The following GRIN2C variants were observed in gnomAD, a reference collection of about 807,000 sequenced individuals.
GRIN2C encodes the protein glutamate ionotropic receptor NMDA type subunit 2C.
A neutral mutation model predicts 77.7 loss-of-function variants in GRIN2C; 64 were observed. The observed-to-expected ratio is 0.82, with a 90% CI of 0.67 to 1.01. The LOEUF (loss-of-function observed/expected upper bound fraction) is 1.01. Ranked by LOEUF, GRIN2C falls within the 50% of genes least tolerant of loss-of-function variation. The pLI, the probability that GRIN2C is intolerant of heterozygous loss-of-function variation, is 0.00. For synonymous variants in GRIN2C, 792 were observed against 643.4 expected, an observed-to-expected ratio of 1.23 and a Z score of -3.49; for missense variants, 1,549 against 1,486.0, an observed-to-expected ratio of 1.04 and a Z score of -0.70.
In GRIN2C at chr17:74,846,975, C is replaced by A; in HGVS notation, c.2002-55G>T. On this transcript the variant is annotated intron_variant, in intron 9 of 12. Transcript: ENST00000293190. The surrounding 1 kb of genome is among the most constrained non-coding windows in gnomAD (Gnocchi z 4.4). ...ACCCTTCCTCCAGCCTTCCAGGCACCAAAGCCCCAAACCCACCCCAGAGCC... is the reference window on the plus strand; with the variant it reads ...ACCCTTCCTCCAGCCTTCCAGGCACAAAAGCCCCAAACCCACCCCAGAGCC... 1 of 1,561,110 alleles carries A rather than the reference C, an allele frequency of 6.4e-7. No homozygotes were observed. Among genetic ancestry groups the A allele is most frequent in the Non-Finnish European group, 8.7e-7 (1 of 1,151,494 alleles).
At chr17:74,855,968 A>G (rs2037808879) in intron 1 of GRIN2C, among the ~76,000 whole-genome samples, 1 of 152,204 alleles carries the variant, frequency 6.6e-6, no homozygotes, top group African/African-American at 2.4e-5. Flanking sequence ...GGAAAACCCA[A>G]GCTGGTGAGC....
chr17:74,843,811 G>A (rs931150257), intron 12 of GRIN2C, among the ~76,000 whole-genome samples: 1 of 152,040 alleles, frequency 6.6e-6, no homozygotes, highest in East Asian at 1.9e-4. Flanking sequence ...CACCTGTGGG[G>A]GGGACTCTGA....
rs1168112930 is a variant in GRIN2C at position 74,846,775 on chromosome 17, G to A, written c.2147C>T (p.Thr716Ile). The A allele has an allele frequency of 6.2e-7, 1 of 1,613,882 alleles. No homozygotes were observed. The highest frequency in any genetic ancestry group is 8.5e-7 in the Non-Finnish European group (1 of 1,179,888). Residue 716 changes from threonine to isoleucine, a missense_variant, in exon 10 of 13, where the codon ACC (threonine) becomes ATC (isoleucine). Physicochemically the swap from Thr to Ile is moderately conservative, Grantham distance 89 (BLOSUM62 -1). This residue lies in a region of GRIN2C where 717 missense variants were observed against 858.1 expected (regional missense o/e 0.84). Coordinates refer to ENST00000293190, the MANE Select transcript of GRIN2C (RefSeq NM_000835.6). The surrounding 1 kb of genome is among the most constrained non-coding windows in gnomAD (Gnocchi z 4.4). The part of the protein sequence containing the change: ...FNQRSVEDAL[T>I]SLKMGKLDAF... ...GGGGACCCACCCCATCTTGAGGCTG[G>A]TGAGCGCGTCCTCCACCGAGCGCTG...
chr17:74,855,705 G>A (rs773065973), intron 1 of GRIN2C, among the ~76,000 whole-genome samples: 5 of 132,758 alleles, frequency 3.8e-5, no homozygotes, highest in Admixed American at 3.4e-4. Flanking sequence ...CACCCCCACC[G>A]GCCAGTCCTC....
In GRIN2C at chr17:74,851,938, C is replaced by T. The variant is rs934424235; in HGVS notation, c.998+75G>A. The T allele has an allele frequency of 6.7e-6, 8 of 1,194,746 alleles. No homozygotes were observed. The African/African-American group carries it at 7.7e-5, about 12-fold the overall frequency. 74.0% of individuals were successfully genotyped at this position (1,194,746 alleles called of 1,614,324 possible). On this transcript the variant is annotated intron_variant, in intron 3 of 12. Transcript: ENST00000293190. ...GCTAGTGGGAGGTGTGGCTGGCCAG[C>T]CCAAACTCACTGCCAGCCAGCTCCC...
intron 12 of GRIN2C, among the ~76,000 whole-genome samples, chr17:74,843,874 C>CT (rs60038024): frequency 0.25 from 35,583 of 139,656 alleles, 4,617 homozygotes; most frequent in East Asian, 0.38. Context: ...AGGACGTTGG[C>CT]TTTTTTTTTT....
intron 7 of GRIN2C, 70 bp from the exon 8 acceptor site, chr17:74,848,047 G>T: frequency 6.4e-7 from 1 of 1,560,064 alleles, no homozygotes. Flanking sequence ...GCACTGGGTG[G>T]AGACAGGTAG....
At position 74,842,962 on chromosome 17, in the gene GRIN2C, G is replaced by A. The variant is rs1406069097; in HGVS notation, c.3175C>T (p.Gln1059Ter). 1.9e-6 allele frequency: 1 copy of A among 536,736 alleles called. No homozygotes were observed. The highest frequency in any genetic ancestry group is 2.4e-5 in the South Asian group (1 of 42,322). 33.2% of individuals were successfully genotyped at this position (536,736 alleles called of 1,614,324 possible). The change falls in exon 13 of 13, where the codon CAG (glutamine) becomes TAG (stop). Residue 1059 changes from glutamine (Q) to a stop codon, truncating the protein, a stop_gained. Coordinates refer to ENST00000293190, the MANE Select transcript of GRIN2C (RefSeq NM_000835.6). LOFTEE classifies it low-confidence loss of function (END_TRUNC). ...AGCAGGGCCTCCCGCCGGGCCAGCT[G>A]CTCCGGACCGAGCAGCGGCAGGTCC... ...LEDLPLLGPE[Q>*]LARREALLHA...
rs192960268 is a variant in GRIN2C, at chr17:74,854,825, C to T, written c.268G>A (p.Val90Ile). The change falls in exon 2 of 13, where the codon GTC becomes ATC. Residue 90 changes from valine (V) to isoleucine (I), a missense_variant. This residue lies in a region of GRIN2C where 382 missense variants were observed against 360.0 expected (regional missense o/e 1.06). Transcript: ENST00000293190. ...TTGTCCTCAAAGACAATGCCGTGGACGTGGGCAGCACCCAGGAGGCCGCAG... is the reference window on the plus strand; with the variant it reads ...TTGTCCTCAAAGACAATGCCGTGGATGTGGGCAGCACCCAGGAGGCCGCAG... The part of the protein sequence containing the change: ...QICGLLGAAH[V>I]HGIVFEDNVD... 2.7e-5 allele frequency: 44 copies of T among 1,614,000 alleles called. No individual in the cohort carries two copies. Among genetic ancestry groups the T allele is most frequent in the Middle Eastern group, 1.7e-4 (1 of 6,056 alleles).
In GRIN2C at chr17:74,852,466, A is replaced by G. The variant is rs778467814; in HGVS notation, c.545T>C (p.Val182Ala). ...HPGHALFLEG[V>A]RAVADASHVS... ...GTGGCTGGCGTCGGCGACGGCGCGC[A>G]CGCCCTCCAGGAAGAGCGCGTGGCC... The change falls in exon 3 of 13, where the codon GTG (valine) becomes GCG (alanine). Residue 182 changes from valine to alanine, a missense_variant. Transcript: ENST00000293190. 7.7e-6 allele frequency: 12 copies of G among 1,554,000 alleles called. No homozygotes were observed. The East Asian group carries it at 2.0e-4, about 26-fold the overall frequency.
chr17:74,852,075 G>T lies in GRIN2C; in HGVS notation c.936C>A (p.Ala312=). The stretch of plus-strand genomic sequence containing the variant: ...GGTGAACACGGCAGTCCCCGGCCGG[G>T]GCTGGCAGGGTTCCATGCTGGCGCC... ...SYWRQHGTLP[A]PAGDCRVHPG... is the part of the protein sequence containing the mutation. Residue 312 remains alanine, a synonymous_variant, in exon 3 of 13, where the codon GCC becomes GCA. Transcript: ENST00000293190. 2 of 1,458,936 alleles carry T rather than the reference G, an allele frequency of 1.4e-6. No homozygotes were observed. The highest frequency in any genetic ancestry group is 1.8e-6 in the Non-Finnish European group (2 of 1,104,406). The allele number at this position is 1,458,936 out of a possible 1,614,324, so 90.4% of individuals were successfully genotyped here.
In GRIN2C at chr17:74,847,571, C is replaced by T; in HGVS notation, c.1772-34G>A. ...AAGAGGCGGGGGGATGCTGGAGCTCCTCCTGCCCACCATGAAAGGGCTCAG... is the reference window on the plus strand; with the variant it reads ...AAGAGGCGGGGGGATGCTGGAGCTCTTCCTGCCCACCATGAAAGGGCTCAG... On this transcript the variant is annotated intron_variant, in intron 8 of 12. Transcript: ENST00000293190. This position sits in a 1 kb window ranked among gnomAD's most constrained non-coding sequence, Gnocchi z 5.2. 1.4e-6 allele frequency: 2 copies of T among 1,468,966 alleles called. No homozygotes were observed. Among genetic ancestry groups the T allele is most frequent in the South Asian group, 2.3e-5 (2 of 87,022 alleles). The allele number at this position is 1,468,966 out of a possible 1,614,324, so 91.0% of individuals were successfully genotyped here. A position where few individuals can be genotyped will look rare whatever the true frequency, so the allele number is the denominator to read the frequency against.
chr17:74,847,141 C>T lies in GRIN2C; in HGVS notation c.2001+167G>A. 1.4e-6 allele frequency: 1 copy of T among 718,596 alleles called. No individual in the cohort carries two copies. Among genetic ancestry groups the T allele is most frequent in the Non-Finnish European group, 2.3e-6 (1 of 439,030 alleles). 44.5% of individuals were successfully genotyped at this position (718,596 alleles called of 1,614,324 possible). On this transcript the variant is annotated intron_variant, in intron 9 of 12. Transcript: ENST00000293190. The surrounding 1 kb of genome is among the most constrained non-coding windows in gnomAD (Gnocchi z 5.2). Reference sequence around the variant, plus strand: ...GGCCTCTCAGCCGGTGGCCCTGAGCCATCTCTTGCCCCAGCCCCCAACCCC... The same window carrying T: ...GGCCTCTCAGCCGGTGGCCCTGAGCTATCTCTTGCCCCAGCCCCCAACCCC...
rs1416450149 is a variant in GRIN2C at position 74,846,032 on chromosome 17, CCA to C, written c.2350+32_2350+33del. ...TGCTGACAACCTTGGGCTCCACAGC[CCA>C]CCCTGGGCATCCCAGCAATGGCAGT... On this transcript the variant is annotated intron_variant, in intron 11 of 12. Coordinates refer to ENST00000293190, the MANE Select transcript of GRIN2C (RefSeq NM_000835.6). The surrounding 1 kb of genome is among the most constrained non-coding windows in gnomAD (Gnocchi z 4.4). 3 of 1,600,150 alleles carry C rather than the reference CCA, an allele frequency of 1.9e-6. No homozygotes were observed. The African/African-American group carries it at 4.0e-5, about 21-fold the overall frequency.
Position 74,852,345 on chromosome 17 carries a change from G to A in GRIN2C, c.666C>T (p.Pro222=), listed in dbSNP as rs947173495. 2.3e-5 allele frequency: 34 copies of A among 1,454,888 alleles called. No homozygotes were observed. The highest frequency in any genetic ancestry group is 5.4e-5 in the Admixed American group (2 of 36,708). The allele number at this position is 1,454,888 out of a possible 1,614,324, so 90.1% of individuals were successfully genotyped here. ...TQRLLRQLDA[P]VFVAYCSREE... ...CGCGCGAGCAGTAGGCCACAAACAC[G>A]GGCGCGTCGAGCTGGCGCAGCAGGC... Residue 222 remains proline, a synonymous_variant, in exon 3 of 13, where the codon CCC becomes CCT. Transcript: ENST00000293190.
chr17:74,850,233 G>A lies in GRIN2C; in HGVS notation c.1464C>T (p.Arg488=), dbSNP rs375716366. The A allele has an allele frequency of 1.4e-4, 218 of 1,613,620 alleles. 1 individual carries two copies. Among genetic ancestry groups the A allele is most frequent in the Non-Finnish European group, 1.5e-4 (179 of 1,179,990 alleles). Residue 488 remains arginine (R), a synonymous_variant, in exon 6 of 13, where the codon CGC becomes CGT. Coordinates refer to ENST00000293190, the MANE Select transcript of GRIN2C (RefSeq NM_000835.6). This position sits in a 1 kb window ranked among gnomAD's most constrained non-coding sequence, Gnocchi z 5.3. ...CCCCAATCATGCCGTTCCATACGCC[G>A]CGCACCCGCTTGCCATGCTTGCCGT... ...VTNGKHGKRV[R]GVWNGMIGEV...
chr17:74,842,566 T>C lies in GRIN2C; in HGVS notation c.3571A>G (p.Thr1191Ala), dbSNP rs368785854. ...AWGPLGHRGRTLGLGTGYRDS... is the reference protein window; with the variant it reads ...AWGPLGHRGRALGLGTGYRDS... ...CTGTAGCCTGTGCCCAGCCCCAGAG[T>C]CCTGCCCCTGTGCCCCAGAGGCCCC... Residue 1191 changes from threonine to alanine, a missense_variant, in exon 13 of 13, where the codon ACT (threonine) becomes GCT (alanine). Physicochemically the swap from Thr to Ala is moderately conservative, Grantham distance 58. Around this residue, in one of 3 missense-constraint regions of GRIN2C, gnomAD observed 450 missense variants for 267.9 expected, o/e 1.68. Transcript: ENST00000293190. 3 of 772,850 alleles carry C rather than the reference T, an allele frequency of 3.9e-6. No individual in the cohort carries two copies. Among genetic ancestry groups the C allele is most frequent in the Non-Finnish European group, 7.2e-6 (3 of 416,526 alleles). The allele number at this position is 772,850 out of a possible 1,614,324, so 47.9% of individuals were successfully genotyped here.
intron 11 of GRIN2C, among the ~76,000 whole-genome samples, chr17:74,845,220 T>G (rs911458160): frequency 4.1e-5 from 6 of 146,890 alleles, no homozygotes; most frequent in Non-Finnish European, 7.5e-5. Context: ...ATGAGCCACC[T>G]CACCTGGCCG....
rs552470733 is a variant in GRIN2C at position 74,849,038 on chromosome 17, G to C, written c.1645+742C>G. Reference sequence around the variant, plus strand: ...GTCTCAAAAAAAAAAAGGAAGGAAAGAAGAAAGGAAGAGTGGGAAGGAGAG... The same window carrying C: ...GTCTCAAAAAAAAAAAGGAAGGAAACAAGAAAGGAAGAGTGGGAAGGAGAG... On this transcript the variant is annotated intron_variant, in intron 7 of 12. Transcript: ENST00000293190. The surrounding 1 kb of genome is among the most constrained non-coding windows in gnomAD (Gnocchi z 4.6). 7.1e-6 allele frequency among the ~76,000 whole-genome samples: 1 copy of C among 140,670 alleles called. No individual in the cohort carries two copies. The highest frequency in any genetic ancestry group is 1.6e-5 in the Non-Finnish European group (1 of 63,972). The allele number at this position is 140,670 out of a possible 152,430, so 92.3% of individuals were successfully genotyped here.
Sources: gnomAD v4.1 joint callset for allele counts (sites outside exome capture counted in the v4.1 genomes callset) on GRCh38, gnomAD v4.1.1 for gene constraint, gnomAD v4.1.1 regional missense constraint, Gnocchi (gnomAD v3.1) non-coding constraint, MANE v1.5 for transcripts, NCBI Gene and HGNC (gene_info 2026-07-23, HGNC 2026-07-21) for gene names.